DNAJC8: variants seen among roughly 807,000 people sequenced by gnomAD.
DNAJC8 encodes dnaJ homolog subfamily C member 8.
Under a neutral mutation model 43.2 loss-of-function variants are expected in DNAJC8, and 24 were observed. The observed-to-expected ratio is 0.56, with a 90% CI of 0.40 to 0.78. DNAJC8 has a LOEUF of 0.78. Among genes scored for constraint, DNAJC8 ranks in the 30% least tolerant of loss-of-function variants. The pLI, the probability that DNAJC8 is intolerant of heterozygous loss-of-function variation, is 0.00. For synonymous variants in DNAJC8, 83 were observed against 98.0 expected, an observed-to-expected ratio of 0.85 and a Z score of 0.90; for missense variants, 207 against 299.4, an observed-to-expected ratio of 0.69 and a Z score of 2.28.
chr1:28,205,465 T>C, intron 6 of DNAJC8, 116 bp from the exon 7 acceptor site: 1 of 696,998 alleles, frequency 1.4e-6, no homozygotes. Flanking sequence ...GCACAGGCTG[T>C]GCACCGTGGC....
chr1:28,208,554 C>G (rs1160847993), intron 5 of DNAJC8, 141 bp from the exon 6 acceptor site: 2 of 420,108 alleles, frequency 4.8e-6, no homozygotes, highest in Non-Finnish European at 4.2e-6. Context: ...AGAGCCCCTC[C>G]CCTCCCTCCT....
At chr1:28,205,219 G>T in intron 7 of DNAJC8, 39 bp downstream of exon 7, 2 of 1,416,458 alleles carry the variant, frequency 1.4e-6, no homozygotes, top group African/African-American at 1.4e-5. Context: ...GTTAATCTAG[G>T]TATTTAAATA....
intron 2 of DNAJC8, among the ~76,000 whole-genome samples, chr1:28,220,885 T>C (rs1219010873): frequency 6.6e-6 from 1 of 152,178 alleles, no homozygotes; most frequent in African/African-American, 2.4e-5. Context: ...GAACTCCTGT[T>C]GCGTCTCAGG....
chr1:28,214,921 CAG>C lies in DNAJC8; in HGVS notation c.237+17_237+18del. On this transcript the variant is annotated intron_variant, in intron 3 of 8. Coordinates refer to ENST00000263697, the MANE Select transcript of DNAJC8 (RefSeq NM_014280.3). ...TTCATACATTTTCAAAAAGTTCAAA[CAG>C]GGAAATAGTACTGTACCTGCCGAAA... 2 of 1,573,612 alleles carry C rather than the reference CAG, an allele frequency of 1.3e-6. No homozygotes were observed. Among genetic ancestry groups the C allele is most frequent in the African/African-American group, 1.3e-5 (1 of 74,086 alleles).
chr1:28,216,862 G>T (rs1189304287), intron 2 of DNAJC8, among the ~76,000 whole-genome samples: 1 of 149,090 alleles, frequency 6.7e-6, no homozygotes, highest in Non-Finnish European at 1.5e-5. Context: ...AGGCTGGAGT[G>T]CAATGGTGTG....
rs1646817547 is a variant in DNAJC8, at chr1:28,212,191, ATATATATATATATATATATATAT to A, written c.238-1577_238-1555del. Among the ~76,000 whole-genome samples, 3 of 108,182 alleles carry A rather than the reference ATATATATATATATATATATATAT, an allele frequency of 2.8e-5. No individual in the cohort carries two copies. In the Admixed American group the frequency reaches 2.8e-4, roughly 10 times the overall value. The allele number at this position is 108,182 out of a possible 152,430, so 71.0% of individuals were successfully genotyped here. On this transcript the variant is annotated intron_variant, in intron 3 of 8. Transcript: ENST00000263697. Reference sequence around the variant, plus strand: ...TAAATATATATATATATATATATATATATATATATATATATATATATATAAATGAAATTAACTATTCAATATAG... The same window carrying A: ...TAAATATATATATATATATATATATAAAATGAAATTAACTATTCAATATAG...
At chr1:28,209,102 C>T (rs1038772186) in intron 5 of DNAJC8, among the ~76,000 whole-genome samples, 4 of 152,134 alleles carry the variant, frequency 2.6e-5, no homozygotes, top group Non-Finnish European at 2.9e-5. Flanking sequence ...GAAAGACATA[C>T]GAAGCCACAA....
At chr1:28,205,874 G>A (rs889541007) in intron 6 of DNAJC8, among the ~76,000 whole-genome samples, 6 of 151,806 alleles carry the variant, frequency 4.0e-5, no homozygotes, top group Non-Finnish European at 1.5e-5. Flanking sequence ...GGCAACAAGA[G>A]GGAAACTCCG....
At chr1:28,223,442 G>C (rs974261249) in intron 2 of DNAJC8, among the ~76,000 whole-genome samples, 4 of 152,158 alleles carry the variant, frequency 2.6e-5, no homozygotes, top group Non-Finnish European at 4.4e-5. Flanking sequence ...GGTGTGGTGA[G>C]AAAGGTTTTT....
At chr1:28,228,102 G>A (rs1265532610) in intron 2 of DNAJC8, among the ~76,000 whole-genome samples, 1 of 152,068 alleles carries the variant, frequency 6.6e-6, no homozygotes, top group East Asian at 1.9e-4. Flanking sequence ...TGTAATCCCA[G>A]CACTTTGGGA....
At chr1:28,209,573 T>C (rs2149016432) in intron 5 of DNAJC8, among the ~76,000 whole-genome samples, 1 of 152,330 alleles carries the variant, frequency 6.6e-6, no homozygotes, top group African/African-American at 2.4e-5. Context: ...CCTATCCTCT[T>C]GCTAGCCTTT....
At chr1:28,216,808 CT>C (rs1178044559) in intron 2 of DNAJC8, among the ~76,000 whole-genome samples, 6,272 of 130,992 alleles carry the variant, frequency 0.048, 135 homozygotes, top group Non-Finnish European at 0.077. Context: ...GGGGCGATTT[CT>C]TTTTTTTTTT....
intron 8 of DNAJC8, among the ~76,000 whole-genome samples, chr1:28,203,204 G>A (rs1327508368): frequency 6.6e-6 from 1 of 152,052 alleles, no homozygotes; most frequent in African/African-American, 2.4e-5. Flanking sequence ...CCCTAACCAT[G>A]AGTCCTAAAC....
chr1:28,212,576 T>C (rs947607101), intron 3 of DNAJC8, among the ~76,000 whole-genome samples: 4 of 151,982 alleles, frequency 2.6e-5, no homozygotes, highest in Non-Finnish European at 4.4e-5. Context: ...GCCACTATGC[T>C]TGTCCATTCT....
intron 2 of DNAJC8, among the ~76,000 whole-genome samples, chr1:28,226,866 A>G (rs505966): frequency 0.33 from 49,885 of 150,830 alleles, 10,350 homozygotes; most frequent in African/African-American, 0.52. Context: ...TGTAAGCACA[A>G]ATAATGTAAT....
chr1:28,217,198 C>G (rs1646862271), intron 2 of DNAJC8, among the ~76,000 whole-genome samples: 1 of 151,490 alleles, frequency 6.6e-6, no homozygotes. Context: ...GTGGCATAAT[C>G]ATAGGTCACT....
intron 2 of DNAJC8, among the ~76,000 whole-genome samples, chr1:28,220,890 C>T (rs981167592): frequency 6.6e-6 from 1 of 152,130 alleles, no homozygotes; most frequent in Non-Finnish European, 1.5e-5. Context: ...CCTGTTGCGT[C>T]TCAGGCTTTT....
At chr1:28,216,540 A>G (rs1333058665) in intron 2 of DNAJC8, among the ~76,000 whole-genome samples, 13 of 152,236 alleles carry the variant, frequency 8.5e-5, no homozygotes, top group South Asian at 2.1e-4. Flanking sequence ...ATAAACCCTG[A>G]TTGATTTTTT....
chr1:28,220,035 T>C (rs1168542124), intron 2 of DNAJC8, among the ~76,000 whole-genome samples: 2 of 152,188 alleles, frequency 1.3e-5, no homozygotes, highest in African/African-American at 4.8e-5. Context: ...TTACACGGAA[T>C]TGTTCTTGTT....
Sources: gnomAD v4.1 joint callset for allele counts (sites outside exome capture counted in the v4.1 genomes callset) on GRCh38, gnomAD v4.1.1 for gene constraint, MANE v1.5 for transcripts, NCBI Gene and HGNC (gene_info 2026-07-23, HGNC 2026-07-21) for gene names.